THEMIS: variants seen among roughly 807,000 people sequenced by gnomAD.
THEMIS encodes protein THEMIS.
Under a neutral mutation model 52.6 loss-of-function variants are expected in THEMIS, and 37 were observed. That is an observed-to-expected ratio of 0.70 (90% CI 0.54 to 0.93). THEMIS has a LOEUF of 0.93. Among genes scored for constraint, THEMIS ranks in the 40% least tolerant of loss-of-function variants. The pLI is 0.00. For missense variants in THEMIS, 808 were observed against 763.1 expected (o/e 1.06, Z -0.69); for synonymous variants, 292 against 272.7 (o/e 1.07, Z -0.70).
At chr6:127,710,166 G>GAAA in intron 5 of THEMIS, 150 bp from the exon 6 acceptor site, 3 of 353,290 alleles carry the variant, frequency 8.5e-6, no homozygotes, top group Non-Finnish European at 1.5e-5. Flanking sequence ...GCAAAATAAA[G>GAAA]AAAAAAAAAA....
At chr6:127,828,917 A>C (rs2114657914) in intron 3 of THEMIS, among the ~76,000 whole-genome samples, 1 of 152,170 alleles carries the variant, frequency 6.6e-6, no homozygotes, top group East Asian at 1.9e-4. Context: ...CAAAACAAAA[A>C]AACAAACAAA....
intron 3 of THEMIS, among the ~76,000 whole-genome samples, chr6:127,821,228 A>T (rs992902172): frequency 1.3e-5 from 2 of 151,858 alleles, no homozygotes; most frequent in East Asian, 3.9e-4. Context: ...GTTATTTTAC[A>T]ATTGGGAAAA....
In THEMIS at chr6:127,828,100, A is replaced by C. The variant is rs552705659; in HGVS notation, c.709+1376T>G. Among the ~76,000 whole-genome samples the C allele has an allele frequency of 1.3e-5, 2 of 152,134 alleles. 1 individual carries two copies. The highest frequency in any genetic ancestry group is 4.1e-4 in the South Asian group (2 of 4,832). On this transcript the variant is annotated intron_variant, in intron 3 of 5. Coordinates refer to ENST00000368248, the MANE Select transcript of THEMIS (RefSeq NM_001010923.3). ...TATGCATCCTTTGAGCCTTCCATTT[A>C]AATGCCATTTCCTCGGAGTAGTTTT...
At chr6:127,778,910 G>C (rs146084081) in intron 4 of THEMIS, among the ~76,000 whole-genome samples, 2 of 151,294 alleles carry the variant, frequency 1.3e-5, no homozygotes, top group African/African-American at 4.9e-5. Flanking sequence ...GCTTGAACCC[G>C]GGTTTTCATT....
intron 1 of THEMIS, among the ~76,000 whole-genome samples, chr6:127,913,573 C>T (rs1781457870): frequency 6.6e-6 from 1 of 152,200 alleles, no homozygotes; most frequent in South Asian, 2.1e-4. Context: ...ACCTTCTCCT[C>T]CCCAAGATGA....
chr6:127,724,567 T>C (rs1411608633), intron 4 of THEMIS, among the ~76,000 whole-genome samples: 1 of 152,140 alleles, frequency 6.6e-6, no homozygotes, highest in Non-Finnish European at 1.5e-5. Flanking sequence ...ATCAGTCCTC[T>C]GTGACCACGC....
chr6:127,724,652 C>A (rs1774476386), intron 4 of THEMIS, among the ~76,000 whole-genome samples: 1 of 152,052 alleles, frequency 6.6e-6, no homozygotes, highest in African/African-American at 2.4e-5. Flanking sequence ...AGAAATGAAT[C>A]ATTACAATCC....
At chr6:127,756,475 A>T (rs940288333) in intron 4 of THEMIS, among the ~76,000 whole-genome samples, 1 of 152,192 alleles carries the variant, frequency 6.6e-6, no homozygotes, top group Non-Finnish European at 1.5e-5. Context: ...AAAACGATCA[A>T]TGTAAAAAAC....
intron 1 of THEMIS, among the ~76,000 whole-genome samples, chr6:127,867,475 C>G (rs1370820477): frequency 6.6e-6 from 1 of 152,072 alleles, no homozygotes; most frequent in Non-Finnish European, 1.5e-5. Context: ...ACTGCTCTAT[C>G]TCCTACCATC....
chr6:127,709,736 A>G lies in THEMIS; in HGVS notation c.*249T>C, dbSNP rs1773909583. 8.5e-6 allele frequency: 3 copies of G among 352,396 alleles called. No individual in the cohort carries two copies. The highest frequency in any genetic ancestry group is 2.1e-5 in the African/African-American group (1 of 47,370). 21.8% of individuals were successfully genotyped at this position (352,396 alleles called of 1,614,324 possible). On this transcript the variant is annotated 3_prime_UTR_variant, in exon 6 of 6. Coordinates refer to ENST00000368248, the MANE Select transcript of THEMIS (RefSeq NM_001010923.3). ...GAAAAAATGTGCAAGTTAAATAAAT[A>G]CGTCCTAAAGAACAACAACACAATG...
intron 4 of THEMIS, among the ~76,000 whole-genome samples, chr6:127,779,322 A>G (rs982104169): frequency 1.3e-5 from 2 of 152,110 alleles, no homozygotes; most frequent in African/African-American, 4.8e-5. Context: ...CTTTAACATC[A>G]CAACCTCCTC....
upstream of THEMIS, among the ~76,000 whole-genome samples, chr6:127,904,331 G>A (rs1781216410): frequency 6.6e-6 from 1 of 152,056 alleles, no homozygotes; most frequent in Non-Finnish European, 1.5e-5. Context: ...CAGCAGTCTT[G>A]CAGAACTGGG....
chr6:127,698,167 A>G, the THEMIS span, among the ~76,000 whole-genome samples: 1 of 152,182 alleles, frequency 6.6e-6, no homozygotes, highest in Non-Finnish European at 1.5e-5. Flanking sequence ...ACTTGATCTT[A>G]TGAAATTTTT....
At chr6:127,792,188 A>G (rs1319423545) in intron 4 of THEMIS, among the ~76,000 whole-genome samples, 2 of 152,224 alleles carry the variant, frequency 1.3e-5, no homozygotes, top group Non-Finnish European at 2.9e-5. Flanking sequence ...CGCCGCTGCC[A>G]TCAGTATTGC....
At chr6:127,883,453 T>C (rs1016090708) in intron 1 of THEMIS, among the ~76,000 whole-genome samples, 2 of 151,686 alleles carry the variant, frequency 1.3e-5, no homozygotes, top group African/African-American at 4.8e-5. Flanking sequence ...TATATATACA[T>C]ATGAACACTA....
chr6:127,830,646 A>G (rs1778669910), intron 2 of THEMIS, among the ~76,000 whole-genome samples: 1 of 152,082 alleles, frequency 6.6e-6, no homozygotes. Flanking sequence ...CGATCACTCC[A>G]CTGCACTCCA....
At chr6:127,832,972 CAG>C (rs1778750140) in intron 2 of THEMIS, among the ~76,000 whole-genome samples, 1 of 151,482 alleles carries the variant, frequency 6.6e-6, no homozygotes, top group African/African-American at 2.4e-5. Flanking sequence ...TTAATAGAGA[CAG>C]GGTTTCGCCA....
At chr6:127,756,763 A>C (rs1378598610) in intron 4 of THEMIS, among the ~76,000 whole-genome samples, 2 of 152,218 alleles carry the variant, frequency 1.3e-5, no homozygotes. Context: ...TCCAAAATGC[A>C]ACTAGTTTGC....
At chr6:127,706,593 A>T (rs185566961), downstream of THEMIS, among the ~76,000 whole-genome samples, 1 of 152,286 alleles carries the variant, frequency 6.6e-6, no homozygotes, top group East Asian at 1.9e-4. Flanking sequence ...TTTACAGTCT[A>T]GTGTAAAGGA....
Sources: gnomAD v4.1 joint callset for allele counts (sites outside exome capture counted in the v4.1 genomes callset) on GRCh38, gnomAD v4.1.1 for gene constraint, MANE v1.5 for transcripts, NCBI Gene and HGNC (gene_info 2026-07-23, HGNC 2026-07-21) for gene names.